The following IRAK3 variants were observed in gnomAD, a reference collection of about 807,000 sequenced individuals.
IRAK3 encodes the protein interleukin 1 receptor associated kinase 3, also known as interleukin-1 receptor-associated kinase 3.
IRAK3 carries 57 observed loss-of-function variants against 56.6 expected under a neutral mutation model. That is an observed-to-expected ratio of 1.01 (90% CI 0.81 to 1.26). The LOEUF (loss-of-function observed/expected upper bound fraction) is 1.26. Ranked by LOEUF, IRAK3 falls within the 50% of genes most tolerant of loss-of-function variation. The pLI is 0.00. For synonymous variants in IRAK3, 258 were observed against 255.7 expected (o/e 1.01, Z -0.09); for missense variants, 703 against 719.0 (o/e 0.98, Z 0.25).
At chr12:66,247,130 C>CAT (rs968053120) in intron 11 of IRAK3, among the ~76,000 whole-genome samples, 2 of 152,062 alleles carry the variant, frequency 1.3e-5, no homozygotes, top group Non-Finnish European at 2.9e-5. Flanking sequence ...ATTAGCTGGG[C>CAT]ATGGTGGCAC....
intron 8 of IRAK3, among the ~76,000 whole-genome samples, chr12:66,239,015 GT>G (rs2052936185): frequency 6.6e-6 from 1 of 152,188 alleles, no homozygotes; most frequent in African/African-American, 2.4e-5. Context: ...AAACTTCCTT[GT>G]TATTTCCCTC....
intron 5 of IRAK3, among the ~76,000 whole-genome samples, chr12:66,212,922 C>T (rs2052626959): frequency 6.6e-6 from 1 of 151,976 alleles, no homozygotes; most frequent in South Asian, 2.1e-4. Flanking sequence ...AGGACAAATA[C>T]CTAATGCATG....
At position 66,250,592 on chromosome 12, in the gene IRAK3, A is replaced by C. The variant is rs2053088948; in HGVS notation, c.*2421A>C. 1 of 152,262 alleles carries C rather than the reference A, an allele frequency of 6.6e-6. No individual in the cohort carries two copies. Among genetic ancestry groups the C allele is most frequent in the Non-Finnish European group, 1.5e-5 (1 of 68,052 alleles). 9.4% of individuals were successfully genotyped at this position (152,262 alleles called of 1,614,324 possible). A position where few individuals can be genotyped will look rare whatever the true frequency, so the allele number is the denominator to read the frequency against. ...AGCTCTCTGATTCACAAAAGAGATC[A>C]TCAAGAATTGACTCTGTGTTAAACT... On this transcript the variant is annotated 3_prime_UTR_variant, in exon 12 of 12. Transcript: ENST00000261233.
intron 1 of IRAK3, among the ~76,000 whole-genome samples, chr12:66,202,803 T>C (rs2052521566): frequency 6.8e-6 from 1 of 146,536 alleles, no homozygotes; most frequent in Non-Finnish European, 1.5e-5. Flanking sequence ...AGATGTTGTC[T>C]CAAAAAAATA....
intron 4 of IRAK3, among the ~76,000 whole-genome samples, chr12:66,210,928 T>G (rs1441166395): frequency 6.6e-6 from 1 of 152,248 alleles, no homozygotes; most frequent in Non-Finnish European, 1.5e-5. Flanking sequence ...GTTTGCATGT[T>G]TTCTCCCAAT....
At position 66,252,167 on chromosome 12, in the gene IRAK3, C is replaced by G. The variant is rs536313003; in HGVS notation, c.*3996C>G. ...TTTGCATGTTTTTTTCTGGTTAACC[C>G]TTAGAGTCACCCTGAAGGTGTGGAT... is the stretch of plus-strand genomic sequence containing the variant. On this transcript the variant is annotated 3_prime_UTR_variant, in exon 12 of 12. Transcript: ENST00000261233. 6.6e-6 allele frequency: 1 copy of G among 152,182 alleles called. No homozygotes were observed. The highest frequency in any genetic ancestry group is 1.9e-4 in the East Asian group (1 of 5,162). The allele number at this position is 152,182 out of a possible 1,614,324, so 9.4% of individuals were successfully genotyped here. A position where few individuals can be genotyped will look rare whatever the true frequency, so the allele number is the denominator to read the frequency against.
chr12:66,209,398 G>A, intron 2 of IRAK3, 58 bp from the exon 3 acceptor site: 1 of 986,216 alleles, frequency 1.0e-6, no homozygotes, highest in Non-Finnish European at 1.6e-6. Context: ...TCTCAGAAAG[G>A]AAAAACATTA....
At chr12:66,197,856 G>A (rs1283687281) in intron 1 of IRAK3, 1 of 985,222 alleles carries the variant, frequency 1.0e-6, no homozygotes, top group African/African-American at 1.7e-5. Flanking sequence ...CCAAGTCACA[G>A]GACGGGACAT....
chr12:66,206,129 T>C (rs893158256), intron 2 of IRAK3, among the ~76,000 whole-genome samples: 10 of 152,224 alleles, frequency 6.6e-5, no homozygotes, highest in African/African-American at 1.4e-4. Flanking sequence ...TGAAGGATTC[T>C]CTCTCTTTTC....
chr12:66,244,755 A>G (rs1364038996), intron 9 of IRAK3, 71 bp downstream of exon 9: 5 of 1,398,722 alleles, frequency 3.6e-6, no homozygotes, highest in East Asian at 4.7e-5. Flanking sequence ...AGAATTTTTT[A>G]AAGAGTTTTA....
At chr12:66,208,907 T>C (rs2052584588) in intron 2 of IRAK3, among the ~76,000 whole-genome samples, 1 of 151,020 alleles carries the variant, frequency 6.6e-6, no homozygotes, top group African/African-American at 2.4e-5. Context: ...CTACTAAAAA[T>C]ACAAAAAAAA....
rs71096077 is a variant in IRAK3 at position 66,194,827 on chromosome 12, C to CAA, written c.133+5413_133+5414dup. ...CTGGGCGACAGAGCGAGACTCCTCT[C>CAA]AAAAAAAAAAAAAAAAAAATTACAT... On this transcript the variant is annotated intron_variant, in intron 1 of 11. Transcript: ENST00000261233. Among the ~76,000 whole-genome samples the CAA allele has an allele frequency of 6.6e-3, 873 of 132,426 alleles. 12 individuals carry two copies. The highest frequency in any genetic ancestry group is 0.016 in the South Asian group (65 of 4,046). The allele number at this position is 132,426 out of a possible 152,430, so 86.9% of individuals were successfully genotyped here.
intron 4 of IRAK3, 56 bp from the exon 5 acceptor site, chr12:66,211,390 A>G: frequency 8.2e-6 from 11 of 1,346,446 alleles, no homozygotes; most frequent in Non-Finnish European, 1.2e-5. Context: ...AATTTTGGTT[A>G]TAATGGTGAT....
At chr12:66,214,757 T>A (rs374034555) in intron 5 of IRAK3, among the ~76,000 whole-genome samples, 16 of 152,244 alleles carry the variant, frequency 1.1e-4, no homozygotes, top group Admixed American at 2.6e-4. Flanking sequence ...AATGAACTTT[T>A]AAAAAAATGG....
intron 8 of IRAK3, among the ~76,000 whole-genome samples, chr12:66,230,835 C>T (rs2052837238): frequency 2.6e-5 from 4 of 152,142 alleles, no homozygotes; most frequent in Non-Finnish European, 5.9e-5. Flanking sequence ...TCCCCACCCT[C>T]CTCCCATCCT....
chr12:66,226,777 G>A lies in IRAK3; in HGVS notation c.708G>A (p.Lys236=), dbSNP rs772462205. The A allele has an allele frequency of 3.1e-6, 5 of 1,611,522 alleles. No homozygotes were observed. The highest frequency in any genetic ancestry group is 1.7e-5 in the Admixed American group (1 of 59,996). ...CTGCATATTTTACAGAGACTGAGAA[G>A]TTCTGTCTGATTTATCCATACATGA... ...ELAAYFTETE[K]FCLIYPYMRN... is the part of the protein sequence containing the mutation. The change falls in exon 7 of 12, where the codon AAG becomes AAA. Residue 236 remains lysine (K), a synonymous_variant. Coordinates refer to ENST00000261233, the MANE Select transcript of IRAK3 (RefSeq NM_007199.3).
At chr12:66,231,982 C>T (rs1488933341) in intron 8 of IRAK3, among the ~76,000 whole-genome samples, 1 of 152,138 alleles carries the variant, frequency 6.6e-6, no homozygotes, top group Non-Finnish European at 1.5e-5. Flanking sequence ...CCAGTTCTTC[C>T]AGGTCACTAT....
chr12:66,253,435 G>A lies in IRAK3; in HGVS notation c.*5264G>A, dbSNP rs367874811. ...TGTTGTGTTTTGTATCTGTCTTCCC[G>A]TTCCAAATCATTTATATATACTTGA... On this transcript the variant is annotated 3_prime_UTR_variant, in exon 12 of 12. Coordinates refer to ENST00000261233, the MANE Select transcript of IRAK3 (RefSeq NM_007199.3). 5 of 152,202 alleles carry A rather than the reference G, an allele frequency of 3.3e-5. 1 individual carries two copies. The South Asian group carries it at 8.3e-4, about 25-fold the overall frequency. The allele number at this position is 152,202 out of a possible 1,614,324, so 9.4% of individuals were successfully genotyped here.
chr12:66,242,970 G>T (rs2052986432), intron 8 of IRAK3, among the ~76,000 whole-genome samples: 1 of 152,018 alleles, frequency 6.6e-6, no homozygotes, highest in South Asian at 2.1e-4. Context: ...GGAGGCTGAG[G>T]CAGGAGACTC....
Sources: allele counts gnomAD v4.1 joint callset (sites outside exome capture counted in the v4.1 genomes callset), GRCh38; gene constraint gnomAD v4.1.1; transcripts MANE v1.5; gene names NCBI Gene and HGNC (gene_info 2026-07-23, HGNC 2026-07-21).